RBFOX3: variants seen among roughly 807,000 people sequenced by gnomAD.
RBFOX3 encodes RNA binding protein fox-1 homolog 3.
In RBFOX3, 17 loss-of-function variants were observed where a neutral mutation model predicts 48.7. The observed-to-expected ratio is 0.35, with a 90% CI of 0.24 to 0.52. RBFOX3 has a LOEUF of 0.52. RBFOX3 is among the 20% of genes least tolerant of loss of function. RBFOX3 has a pLI of 0.94. For synonymous variants in RBFOX3, 212 were observed against 209.5 expected (o/e 1.01, Z -0.10); for missense variants, 382 against 497.5 (o/e 0.77, Z 2.21).
chr17:79,438,532 G>A (rs561306976), intron 2 of RBFOX3, among the ~76,000 whole-genome samples: 11 of 152,270 alleles, frequency 7.2e-5, no homozygotes, highest in African/African-American at 1.9e-4. Context: ...TTGAACATTC[G>A]CCCTCACGAT....
At chr17:79,152,069 TC>T (rs1441063628) in intron 4 of RBFOX3, among the ~76,000 whole-genome samples, 2 of 151,522 alleles carry the variant, frequency 1.3e-5, no homozygotes, top group East Asian at 3.9e-4. Flanking sequence ...GCCTCAGGGC[TC>T]CCCCCACCCA....
chr17:79,368,296 G>GAA (rs10681573), intron 2 of RBFOX3, among the ~76,000 whole-genome samples: 103,666 of 151,892 alleles, frequency 0.68, 36,317 homozygotes, highest in Admixed American at 0.78. Flanking sequence ...AGCAGCTGAG[G>GAA]AGAGACCTCC....
chr17:79,180,544 A>T (rs188311786), intron 4 of RBFOX3, among the ~76,000 whole-genome samples: 1 of 152,286 alleles, frequency 6.6e-6, no homozygotes, highest in East Asian at 1.9e-4. Flanking sequence ...TCATTTCTAG[A>T]GGCCTGGCCG....
rs903716168 is a variant in RBFOX3, at chr17:79,397,886, C to G, written c.-175+84568G>C. ...AAAGCTACAACCACAAACAGAGGCC[C>G]TGGGGCTGGGAAGATGGATTTTCCG... is the stretch of plus-strand genomic sequence containing the variant. On this transcript the variant is annotated intron_variant, in intron 2 of 14. Coordinates refer to ENST00000693108, the MANE Select transcript of RBFOX3 (RefSeq NM_001350451.2). Among the ~76,000 whole-genome samples the G allele has an allele frequency of 1.6e-4, 25 of 152,178 alleles. 1 individual carries two copies. The highest frequency in any genetic ancestry group is 1.6e-3 in the Admixed American group (25 of 15,282).
At chr17:79,408,133 A>G (rs982830633) in intron 2 of RBFOX3, among the ~76,000 whole-genome samples, 20 of 151,918 alleles carry the variant, frequency 1.3e-4, no homozygotes, top group Non-Finnish European at 1.2e-4. Flanking sequence ...AAGTGGGGGG[A>G]GAAGGAGCAC....
In RBFOX3 at chr17:79,220,407, T is replaced by C. The variant is rs1380954690; in HGVS notation, c.-34+15359A>G. On this transcript the variant is annotated intron_variant, in intron 4 of 14. Transcript: ENST00000693108. This position sits in a 1 kb window ranked among gnomAD's most constrained non-coding sequence, Gnocchi z 5.9. Reference sequence around the variant, plus strand: ...CTGCTCACTCCAGGTCCTCTCTCCCTCTCCCTGTGTCTCTGCCTCTCGCTT... The same window carrying C: ...CTGCTCACTCCAGGTCCTCTCTCCCCCTCCCTGTGTCTCTGCCTCTCGCTT... Among the ~76,000 whole-genome samples, 2 of 152,140 alleles carry C rather than the reference T, an allele frequency of 1.3e-5. No homozygotes were observed. The highest frequency in any genetic ancestry group is 2.9e-5 in the Non-Finnish European group (2 of 68,032).
intron 2 of RBFOX3, among the ~76,000 whole-genome samples, chr17:79,356,318 C>G (rs943668941): frequency 1.4e-4 from 19 of 138,260 alleles, no homozygotes; most frequent in Non-Finnish European, 1.7e-4. Flanking sequence ...TGCCGTGAGG[C>G]ACGTACTTTT....
chr17:79,342,767 G>T (rs566034283), intron 2 of RBFOX3, among the ~76,000 whole-genome samples: 1 of 152,168 alleles, frequency 6.6e-6, no homozygotes, highest in Non-Finnish European at 1.5e-5. Flanking sequence ...CAAAACAGGC[G>T]AAATGTGGCT....
In RBFOX3 at chr17:79,344,540, A is replaced by ATTATTTATTTATTTAT. The variant is rs35977736; in HGVS notation, c.-174-36732_-174-36717dup. 3.5e-3 allele frequency among the ~76,000 whole-genome samples: 523 copies of ATTATTTATTTATTTAT among 147,430 alleles called. 3 individuals are homozygous for ATTATTTATTTATTTAT. The highest frequency in any genetic ancestry group is 4.2e-3 in the Non-Finnish European group (279 of 67,004). On this transcript the variant is annotated intron_variant, in intron 2 of 14. Coordinates refer to ENST00000693108, the MANE Select transcript of RBFOX3 (RefSeq NM_001350451.2). ...TGGATTCATGTTGTCACTTTGTTTG[A>ATTATTTATTTATTTAT]TTATTTATTTATTTATTTATTTATT...
At chr17:79,549,017 G>T (rs574432567) in intron 1 of RBFOX3, among the ~76,000 whole-genome samples, 1 of 152,210 alleles carries the variant, frequency 6.6e-6, no homozygotes, top group South Asian at 2.1e-4. Flanking sequence ...GTGGAATTGT[G>T]GTCACTAGTT....
chr17:79,492,594 C>T (rs1014957343), intron 1 of RBFOX3, among the ~76,000 whole-genome samples: 11 of 152,242 alleles, frequency 7.2e-5, no homozygotes, highest in Non-Finnish European at 1.2e-4. Flanking sequence ...AACATATCAA[C>T]GCAACCTCGA....
intron 2 of RBFOX3, among the ~76,000 whole-genome samples, chr17:79,323,568 T>C (rs539327368): frequency 6.6e-6 from 1 of 152,350 alleles, no homozygotes; most frequent in Admixed American, 6.5e-5. Context: ...CACCAACAGA[T>C]GCAGAGTACT....
At chr17:79,241,962 G>A (rs73414091) in intron 3 of RBFOX3, among the ~76,000 whole-genome samples, 67 of 152,316 alleles carry the variant, frequency 4.4e-4, no homozygotes, top group African/African-American at 1.5e-3. Context: ...GGGAGTTAGG[G>A]CTTCCATATA....
intron 1 of RBFOX3, among the ~76,000 whole-genome samples, chr17:79,540,288 G>A (rs1396249163): frequency 6.6e-6 from 1 of 152,248 alleles, no homozygotes; most frequent in African/African-American, 2.4e-5. Context: ...TGAGAGACCT[G>A]AGTCTCTAGA....
chr17:79,619,650 G>T, the RBFOX3 span, among the ~76,000 whole-genome samples: 1 of 152,132 alleles, frequency 6.6e-6, no homozygotes, highest in Non-Finnish European at 1.5e-5. Flanking sequence ...CAGGGGATGG[G>T]GGGCAGCTCA....
intron 3 of RBFOX3, among the ~76,000 whole-genome samples, chr17:79,241,176 CT>C (rs77856240): frequency 0.013 from 1,842 of 142,004 alleles, 15 homozygotes; most frequent in East Asian, 0.068. Flanking sequence ...TCTATTTAAT[CT>C]TTTTTTTTTT....
At position 79,220,655 on chromosome 17, in the gene RBFOX3, G is replaced by A. The variant is rs760143594; in HGVS notation, c.-34+15111C>T. On this transcript the variant is annotated intron_variant, in intron 4 of 14. Coordinates refer to ENST00000693108, the MANE Select transcript of RBFOX3 (RefSeq NM_001350451.2). This position sits in a 1 kb window ranked among gnomAD's most constrained non-coding sequence, Gnocchi z 5.9. Reference sequence around the variant, plus strand: ...AACCTTCCAGCCTAGCAGATCTCACGGATACCGGAATGGGGAGGACACTTT... The same window carrying A: ...AACCTTCCAGCCTAGCAGATCTCACAGATACCGGAATGGGGAGGACACTTT... Among the ~76,000 whole-genome samples the A allele has an allele frequency of 1.3e-5, 2 of 152,002 alleles. No homozygotes were observed. The highest frequency in any genetic ancestry group is 2.1e-4 in the South Asian group (1 of 4,812).
intron 2 of RBFOX3, among the ~76,000 whole-genome samples, chr17:79,448,273 G>A (rs535376898): frequency 2.3e-4 from 35 of 152,320 alleles, no homozygotes; most frequent in Middle Eastern, 6.8e-3. Flanking sequence ...TTTGGACACT[G>A]TAGTAGGTTA....
intron 1 of RBFOX3, among the ~76,000 whole-genome samples, chr17:79,561,889 A>C (rs1384138434): frequency 6.6e-6 from 1 of 152,190 alleles, no homozygotes; most frequent in Admixed American, 6.5e-5. Flanking sequence ...CCCTGGCATC[A>C]GGGGGAGGGA....
Sources: gnomAD v4.1 joint callset for allele counts (sites outside exome capture counted in the v4.1 genomes callset) on GRCh38, gnomAD v4.1.1 for gene constraint, Gnocchi (gnomAD v3.1) non-coding constraint, MANE v1.5 for transcripts, NCBI Gene and HGNC (gene_info 2026-07-23, HGNC 2026-07-21) for gene names.